Variants in HOOK3 observed in about 807,000 individuals in gnomAD.
HOOK3 encodes the protein hook microtubule tethering protein 3, also known as protein Hook homolog 3.
In HOOK3, 24 loss-of-function variants were observed where a neutral mutation model predicts 116.3. The observed-to-expected ratio is 0.21, with a 90% CI of 0.15 to 0.29. The LOEUF (loss-of-function observed/expected upper bound fraction) is 0.29, where lower values mean the gene tolerates loss of function less well. Among genes scored for constraint, HOOK3 ranks in the 10% least tolerant of loss-of-function variants. The pLI, the probability that HOOK3 is intolerant of heterozygous loss-of-function variation, is 1.00. For synonymous variants in HOOK3, 275 were observed against 283.0 expected, an observed-to-expected ratio of 0.97 and a Z score of 0.28; for missense variants, 632 against 830.2, an observed-to-expected ratio of 0.76 and a Z score of 2.93.
At position 43,013,447 on chromosome 8, in the gene HOOK3, G is replaced by A. The variant is rs748802325; in HGVS notation, c.2016+47G>A. ...GCATAATGAAAACTTCAATGAATATGTAATACTTATTATATTCCCTTTACT... is the reference window on the plus strand; with the variant it reads ...GCATAATGAAAACTTCAATGAATATATAATACTTATTATATTCCCTTTACT... On this transcript the variant is annotated intron_variant, in intron 21 of 21. Transcript: ENST00000307602. The A allele has an allele frequency of 4.3e-6, 6 of 1,406,660 alleles. No individual in the cohort carries two copies. In the Admixed American group the frequency reaches 1.2e-4, roughly 27 times the overall value. 87.1% of individuals were successfully genotyped at this position (1,406,660 alleles called of 1,614,324 possible).
intron 5 of HOOK3, among the ~76,000 whole-genome samples, chr8:42,945,074 C>T (rs548607477): frequency 4.6e-5 from 7 of 152,052 alleles, no homozygotes; most frequent in Non-Finnish European, 8.8e-5. Flanking sequence ...TTCCACCTCT[C>T]GCAGGCAATC....
intron 2 of HOOK3, among the ~76,000 whole-genome samples, chr8:42,923,402 G>C (rs1807702209): frequency 6.6e-6 from 1 of 152,154 alleles, no homozygotes; most frequent in African/African-American, 2.4e-5. Flanking sequence ...TGGCCCCAAA[G>C]TGGAAATAGC....
chr8:43,014,283 C>CAA (rs1442156669), intron 21 of HOOK3, among the ~76,000 whole-genome samples: 1,533 of 76,924 alleles, frequency 0.02, 49 homozygotes, highest in African/African-American at 0.075. Context: ...AAGACTGTCT[C>CAA]AGAAAAAAAA....
intron 4 of HOOK3, among the ~76,000 whole-genome samples, chr8:42,942,114 T>A (rs960341305): frequency 6.6e-6 from 1 of 152,034 alleles, no homozygotes; most frequent in African/African-American, 2.4e-5. Flanking sequence ...CAAAATTAGC[T>A]GGGTGTGGTG....
intron 15 of HOOK3, among the ~76,000 whole-genome samples, chr8:42,990,776 C>T (rs1413878222): frequency 6.6e-6 from 1 of 152,094 alleles, no homozygotes; most frequent in South Asian, 2.1e-4. Context: ...TGTCGGTTGT[C>T]TCTCACTTTG....
At chr8:42,987,242 C>G (rs1270762144) in intron 15 of HOOK3, among the ~76,000 whole-genome samples, 1 of 152,166 alleles carries the variant, frequency 6.6e-6, no homozygotes, top group Non-Finnish European at 1.5e-5. Context: ...GTTCTCTTTC[C>G]CTTTTAGAGA....
chr8:42,947,306 C>T (rs1808248255), intron 5 of HOOK3, among the ~76,000 whole-genome samples: 1 of 152,088 alleles, frequency 6.6e-6, no homozygotes, highest in Non-Finnish European at 1.5e-5. Flanking sequence ...CAGATAATAA[C>T]TTCTTATGTA....
Position 43,020,830 on chromosome 8 carries a change from G to A in HOOK3, c.*2332G>A, listed in dbSNP as rs747122991. The A allele has an allele frequency of 5.4e-6, 1 of 184,696 alleles. No homozygotes were observed. Among genetic ancestry groups the A allele is most frequent in the Non-Finnish European group, 1.1e-5 (1 of 87,224 alleles). The allele number at this position is 184,696 out of a possible 1,614,324, so 11.4% of individuals were successfully genotyped here. A position where few individuals can be genotyped will look rare whatever the true frequency, so the allele number is the denominator to read the frequency against. Reference sequence around the variant, plus strand: ...TGGATGAAAACAACAGCCAGGTGCAGTGGCTCACGCGTATAATCCCAGCAC... The same window carrying A: ...TGGATGAAAACAACAGCCAGGTGCAATGGCTCACGCGTATAATCCCAGCAC... On this transcript the variant is annotated 3_prime_UTR_variant, in exon 22 of 22. Transcript: ENST00000307602.
rs768843271 is a variant in HOOK3, at chr8:43,018,510, C to T, written c.*12C>T. On this transcript the variant is annotated 3_prime_UTR_variant, in exon 22 of 22. Transcript: ENST00000307602. ...CCACAGCAAGGTAGAGAAGTTGTGCCGCTCAATCACAGACACCTGCACCCA... is the reference window on the plus strand; with the variant it reads ...CCACAGCAAGGTAGAGAAGTTGTGCTGCTCAATCACAGACACCTGCACCCA... 5.6e-6 allele frequency: 9 copies of T among 1,600,280 alleles called. No individual in the cohort carries two copies. Among genetic ancestry groups the T allele is most frequent in the East Asian group, 2.2e-5 (1 of 44,752 alleles).
At chr8:42,929,768 G>T (rs368941402) in intron 3 of HOOK3, among the ~76,000 whole-genome samples, 3 of 152,066 alleles carry the variant, frequency 2.0e-5, no homozygotes, top group African/African-American at 7.2e-5. Context: ...AGGGAGAATA[G>T]CTCTGAACTC....
Position 43,018,639 on chromosome 8 carries a change from T to A in HOOK3, c.*141T>A. 1.2e-6 allele frequency: 1 copy of A among 827,870 alleles called. No homozygotes were observed. Among genetic ancestry groups the A allele is most frequent in the Non-Finnish European group, 1.7e-6 (1 of 576,230 alleles). The allele number at this position is 827,870 out of a possible 1,614,324, so 51.3% of individuals were successfully genotyped here. On this transcript the variant is annotated 3_prime_UTR_variant, in exon 22 of 22. Transcript: ENST00000307602. Reference sequence around the variant, plus strand: ...TTAGTGTTTCTCATTTTGAGGACTTTTTCTCTCTCCTGTATCTTTGTTTTA... The same window carrying A: ...TTAGTGTTTCTCATTTTGAGGACTTATTCTCTCTCCTGTATCTTTGTTTTA...
At chr8:42,903,350 T>TTTTTTTTTTTTTTTTTTTTTTTTTTTTTC (rs1563287035) in intron 1 of HOOK3, among the ~76,000 whole-genome samples, 1 of 143,538 alleles carries the variant, frequency 7.0e-6, no homozygotes, top group African/African-American at 2.6e-5. Context: ...TTTTTTTTTT[T>TTTTTTTTTTTTTTTTTTTTTTTTTTTTTC]TTTTTTTTTT....
In HOOK3 at chr8:43,011,032, G is replaced by A. The variant is rs28718980; in HGVS notation, c.1839+627G>A. ...TTTTGAGATGGAGTCTCGCTCTGTC[G>A]CCCAGGCTGGAGTACAGTGGCACGA... On this transcript the variant is annotated intron_variant, in intron 19 of 21. Transcript: ENST00000307602. 2.0e-3 allele frequency among the ~76,000 whole-genome samples: 297 copies of A among 151,346 alleles called. 2 individuals are homozygous for A. The highest frequency in any genetic ancestry group is 6.3e-3 in the African/African-American group (259 of 41,234).
intron 2 of HOOK3, among the ~76,000 whole-genome samples, chr8:42,920,028 T>C (rs999272914): frequency 5.9e-5 from 9 of 151,998 alleles, no homozygotes; most frequent in African/African-American, 2.2e-4. Context: ...TTAAAATTAG[T>C]GGGCTTTTCC....
intron 13 of HOOK3, among the ~76,000 whole-genome samples, chr8:42,975,984 C>T (rs144874166): frequency 1.7e-3 from 257 of 151,972 alleles, no homozygotes; most frequent in African/African-American, 5.9e-3. Flanking sequence ...AGATTACAGG[C>T]GTGAGCCACC....
chr8:42,926,784 G>T (rs1041515107), intron 3 of HOOK3, among the ~76,000 whole-genome samples: 1 of 152,176 alleles, frequency 6.6e-6, no homozygotes, highest in Non-Finnish European at 1.5e-5. Flanking sequence ...ATGTTAGTGT[G>T]TGCAGTTCTG....
At chr8:42,952,761 A>T (rs1808365486) in intron 6 of HOOK3, among the ~76,000 whole-genome samples, 1 of 152,180 alleles carries the variant, frequency 6.6e-6, no homozygotes, top group African/African-American at 2.4e-5. Context: ...TATATCTTTT[A>T]AAAATGTTAT....
intron 19 of HOOK3, among the ~76,000 whole-genome samples, chr8:43,011,833 C>T (rs1809618308): frequency 6.6e-6 from 1 of 152,202 alleles, no homozygotes; most frequent in Non-Finnish European, 1.5e-5. Context: ...GGGCTATGAT[C>T]ACATCACCGC....
intron 15 of HOOK3, among the ~76,000 whole-genome samples, chr8:42,990,594 G>C (rs745560906): frequency 6.6e-6 from 1 of 151,916 alleles, no homozygotes; most frequent in Non-Finnish European, 1.5e-5. Context: ...ACCCACCTCA[G>C]CCTCCCAAAG....
Sources: gnomAD v4.1 joint callset for allele counts (sites outside exome capture counted in the v4.1 genomes callset) on GRCh38, gnomAD v4.1.1 for gene constraint, MANE v1.5 for transcripts, NCBI Gene and HGNC (gene_info 2026-07-23, HGNC 2026-07-21) for gene names.